The following MOG variants were observed in gnomAD, a reference collection of about 807,000 sequenced individuals.
The protein encoded by MOG is myelin-oligodendrocyte glycoprotein.
A neutral mutation model predicts 35.9 loss-of-function variants in MOG; 20 were observed. That is an observed-to-expected ratio of 0.56 (90% CI 0.39 to 0.81). The LOEUF is 0.81. MOG is among the 30% of genes least tolerant of loss of function. The pLI is 0.00. For missense variants in MOG, 251 were observed against 301.0 expected (o/e 0.83, Z 1.23); for synonymous variants, 92 against 114.3 (o/e 0.80, Z 1.25).
At chr6:29,657,357 T>G in intron 1 of MOG, 60 bp downstream of exon 1, 3 of 1,295,926 alleles carry the variant, frequency 2.3e-6, no homozygotes, top group Non-Finnish European at 3.3e-6. Flanking sequence ...GCTAGTTTCC[T>G]GGGGCTTAGC....
Position 29,667,965 on chromosome 6 carries a change from T to C in MOG, c.592+41T>C, listed in dbSNP as rs145280772. 9.2e-5 allele frequency: 147 copies of C among 1,605,586 alleles called. 3 individuals carry two copies. In the East Asian group the frequency reaches 2.0e-3, roughly 22 times the overall value. On this transcript the variant is annotated intron_variant, in intron 5 of 7. Transcript: ENST00000376917. ...TCTAGGCCCTCCCAGGTCAACTTGG[T>C]ATTTCACTCTAGTTCCAGTCACCTG...
In MOG at chr6:29,662,516, ATAT is replaced by A. The variant is rs1769053860; in HGVS notation, c.436+2854_436+2856del. Among the ~76,000 whole-genome samples, 1 of 151,964 alleles carries A rather than the reference ATAT, an allele frequency of 6.6e-6. No individual in the cohort carries two copies. Among genetic ancestry groups the A allele is most frequent in the Non-Finnish European group, 1.5e-5 (1 of 67,992 alleles). ...AAAAACCACATACAAACCAGAGATA[ATAT>A]TATAATGAGCCTCCAAGTGCCTACC... On this transcript the variant is annotated intron_variant, in intron 2 of 7. Transcript: ENST00000376917. The surrounding 1 kb of genome is among the most constrained non-coding windows in gnomAD (Gnocchi z 4.2).
Position 29,672,325 on chromosome 6 carries a change from TAAATAAATAAA to T in MOG, c.*1147_*1157del, listed in dbSNP as rs753567758. 0.061 allele frequency: 18,289 copies of T among 300,706 alleles called. 688 individuals carry two copies. Among genetic ancestry groups the T allele is most frequent in the South Asian group, 0.14 (947 of 6,910 alleles). The allele number at this position is 300,706 out of a possible 1,614,324, so 18.6% of individuals were successfully genotyped here. On this transcript the variant is annotated 3_prime_UTR_variant, in exon 8 of 8. Transcript: ENST00000376917. ...ATAAATAAATAAATAAATAAATAAA[TAAATAAATAAA>T]AAATAATAATACAAGTTTTCATAAG...
chr6:29,660,589 C>CA (rs1554203768), intron 2 of MOG, among the ~76,000 whole-genome samples: 3 of 142,164 alleles, frequency 2.1e-5, no homozygotes, highest in Non-Finnish European at 3.1e-5. Context: ...CACACACACA[C>CA]CTGTGCTTGG....
In MOG at chr6:29,667,655, C is replaced by T. The variant is rs1770513865; in HGVS notation, c.563C>T (p.Ala188Val). 6.2e-7 allele frequency: 1 copy of T among 1,614,036 alleles called. No individual in the cohort carries two copies. The change falls in exon 4 of 8, where the codon GCA becomes GTA. Residue 188 changes from alanine to valine, a missense_variant. Physicochemically the swap from Ala to Val is moderately conservative, Grantham distance 64. Transcript: ENST00000376917. ...TTTTCTATTTTAGGAAAACTTCGAG[C>T]AGAGATAGGTGAGTTCCAGTCATCG... ...LQYRLRGKLR[A>V]EIENLHRTFD...
intron 3 of MOG, among the ~76,000 whole-genome samples, chr6:29,666,508 T>C (rs983339538): frequency 1.6e-4 from 25 of 152,116 alleles, no homozygotes; most frequent in African/African-American, 6.0e-4. Flanking sequence ...GTAACCCCAT[T>C]TTACAGAGGA....
At chr6:29,667,462 T>C (rs1770463938) in intron 3 of MOG, among the ~76,000 whole-genome samples, 181 bp from the exon 4 acceptor site, 2 of 152,110 alleles carry the variant, frequency 1.3e-5, no homozygotes, top group Admixed American at 1.3e-4. Context: ...GTATCTAGAC[T>C]ATAGCTAGAG....
At chr6:29,667,173 A>G (rs1199584364) in intron 3 of MOG, among the ~76,000 whole-genome samples, 2 of 152,184 alleles carry the variant, frequency 1.3e-5, no homozygotes, top group African/African-American at 4.8e-5. Flanking sequence ...CTTGTCTGTC[A>G]AATAGAGAAA....
chr6:29,659,562 C>T lies in MOG; in HGVS notation c.332C>T (p.Thr111Ile). Reference protein sequence around the residue: ...LKDAIGEGKVTLRIRNVRFSD... With the variant: ...LKDAIGEGKVILRIRNVRFSD... ...GATGCTATTGGTGAGGGAAAGGTGA[C>T]TCTCAGGATCCGGAATGTAAGGTTC... Residue 111 changes from threonine to isoleucine, a missense_variant, in exon 2 of 8, where the codon ACT (threonine) becomes ATT (isoleucine). Thr to Ile is a moderately conservative substitution (Grantham distance 89, BLOSUM62 -1). Coordinates refer to ENST00000376917, the MANE Select transcript of MOG (RefSeq NM_206809.4). 6.2e-7 allele frequency: 1 copy of T among 1,613,056 alleles called. No homozygotes were observed. Among genetic ancestry groups the T allele is most frequent in the Non-Finnish European group, 8.5e-7 (1 of 1,180,036 alleles).
chr6:29,668,848 T>C (rs1004362944), intron 5 of MOG, among the ~76,000 whole-genome samples: 4 of 152,002 alleles, frequency 2.6e-5, no homozygotes, highest in African/African-American at 9.7e-5. Context: ...ATAGAACACA[T>C]AGGATTGCAA....
chr6:29,668,879 TAC>T, intron 5 of MOG, among the ~76,000 whole-genome samples: 1 of 152,010 alleles, frequency 6.6e-6, no homozygotes, highest in South Asian at 2.1e-4. Context: ...TGTACTAAAA[TAC>T]AGTTATCAAC....
intron 4 of MOG, 83 bp from the exon 5 acceptor site, chr6:29,667,821 A>C: frequency 6.4e-7 from 1 of 1,571,604 alleles, no homozygotes; most frequent in Admixed American, 1.7e-5. Context: ...AACAAGTTTT[A>C]AGTAATTAAA....
Position 29,671,389 on chromosome 6 carries a change from T to G in MOG, c.*204T>G. On this transcript the variant is annotated 3_prime_UTR_variant, in exon 8 of 8. Coordinates refer to ENST00000376917, the MANE Select transcript of MOG (RefSeq NM_206809.4). ...CTACCTTTTCTCTTCATTTTCCCAT[T>G]TTTATTACCCTTCTTTCCATTTCTC... is the stretch of plus-strand genomic sequence containing the variant. 1 of 1,612,722 alleles carries G rather than the reference T, an allele frequency of 6.2e-7. No individual in the cohort carries two copies. Among genetic ancestry groups the G allele is most frequent in the Non-Finnish European group, 8.5e-7 (1 of 1,179,850 alleles).
intron 2 of MOG, chr6:29,661,876 C>T: frequency 1.0e-6 from 1 of 984,336 alleles, no homozygotes; most frequent in Non-Finnish European, 1.2e-6. Flanking sequence ...AAGACTTTGC[C>T]TCAGGGGAGA....
chr6:29,670,402 A>G lies in MOG; in HGVS notation c.709+5A>G, dbSNP rs2273192. The G allele has an allele frequency of 6.5e-4, 1,048 of 1,613,712 alleles. 28 individuals are homozygous for G. The East Asian group carries it at 0.023, about 35-fold the overall frequency. On this transcript the variant is annotated splice_donor_5th_base_variant and intron_variant, in intron 6 of 7. Coordinates refer to ENST00000376917, the MANE Select transcript of MOG (RefSeq NM_206809.4). This position sits in a 1 kb window ranked among gnomAD's most constrained non-coding sequence, Gnocchi z 4.2. ...GGCTACATCGAAGACTAGCAGGTGC[A>G]GTGGCTGGGCAGCAGGCAAGACCAC...
At chr6:29,665,444 T>A (rs2982835) in intron 2 of MOG, among the ~76,000 whole-genome samples, 7,643 of 152,112 alleles carry the variant, frequency 0.05, 38 homozygotes, top group African/African-American at 0.13. Flanking sequence ...CTCTTCATAT[T>A]ATTGTGGTGT....
rs1163488197 is a variant in MOG, at chr6:29,666,006, A to T, written c.437-146A>T. ...AAAAGCCATTTTTCCTTCAGGGCTA[A>T]GCTCAGGGACCAATTCTGTGTCACC... On this transcript the variant is annotated intron_variant, in intron 2 of 7. Coordinates refer to ENST00000376917, the MANE Select transcript of MOG (RefSeq NM_206809.4). 9.4e-6 allele frequency: 7 copies of T among 741,722 alleles called. No homozygotes were observed. The Admixed American group carries it at 1.1e-4, about 12-fold the overall frequency. 45.9% of individuals were successfully genotyped at this position (741,722 alleles called of 1,614,324 possible).
intron 3 of MOG, among the ~76,000 whole-genome samples, chr6:29,667,189 C>T (rs1770397514): frequency 6.6e-6 from 1 of 152,166 alleles, no homozygotes. Context: ...AGAAAACATC[C>T]TTCGTCCTAA....
At position 29,671,162 on chromosome 6, in the gene MOG, C is replaced by T; in HGVS notation, c.731-10C>T. 6.2e-7 allele frequency: 1 copy of T among 1,612,988 alleles called. No individual in the cohort carries two copies. On this transcript the variant is annotated splice_polypyrimidine_tract_variant and intron_variant, in intron 7 of 7. Transcript: ENST00000376917. ...CATACGTTTTTCAAGTTATTTTCTCCTTCTTCTAGGAAATCCCTTCTGAGT... is the reference window on the plus strand; with the variant it reads ...CATACGTTTTTCAAGTTATTTTCTCTTTCTTCTAGGAAATCCCTTCTGAGT...
Sources: allele counts gnomAD v4.1 joint callset (sites outside exome capture counted in the v4.1 genomes callset), GRCh38; gene constraint gnomAD v4.1.1; non-coding constraint Gnocchi (gnomAD v3.1); transcripts MANE v1.5; gene names NCBI Gene and HGNC (gene_info 2026-07-23, HGNC 2026-07-21).